ADAM10: variants seen among roughly 807,000 people sequenced by gnomAD.
ADAM10 encodes the protein ADAM metallopeptidase domain 10.
A neutral mutation model predicts 90.1 loss-of-function variants in ADAM10; 17 were observed. That is an observed-to-expected ratio of 0.19 (90% CI 0.13 to 0.28). The LOEUF (loss-of-function observed/expected upper bound fraction) is 0.28. Among genes scored for constraint, ADAM10 ranks in the 10% least tolerant of loss-of-function variants. The pLI is 1.00. For synonymous variants in ADAM10, 310 were observed against 298.6 expected, an observed-to-expected ratio of 1.04 and a Z score of -0.40; for missense variants, 610 against 914.3, an observed-to-expected ratio of 0.67 and a Z score of 4.29.
At chr15:58,657,398 C>G (rs1277464249) in intron 5 of ADAM10, among the ~76,000 whole-genome samples, 1 of 152,040 alleles carries the variant, frequency 6.6e-6, no homozygotes, top group African/African-American at 2.4e-5. Context: ...CCTTTTCTGT[C>G]TCCTCTGACT....
In ADAM10 at chr15:58,689,954, A is replaced by ACC. The variant is rs768784057; in HGVS notation, c.207-7641_207-7640insGG. Reference sequence around the variant, plus strand: ...CAAAACCAAAGACAGACCCCCCCCAAAAAAAAAAAAAAAAGACTGATATTC... The same window carrying ACC: ...CAAAACCAAAGACAGACCCCCCCCAACCAAAAAAAAAAAAAAGACTGATATTC... On this transcript the variant is annotated intron_variant, in intron 2 of 15. Transcript: ENST00000260408. 1.2e-4 allele frequency among the ~76,000 whole-genome samples: 14 copies of ACC among 117,674 alleles called. 3 individuals are homozygous for ACC. The South Asian group carries it at 2.3e-3, about 20-fold the overall frequency. 77.2% of individuals were successfully genotyped at this position (117,674 alleles called of 152,430 possible).
At position 58,599,710 on chromosome 15, in the gene ADAM10, T is replaced by C. The variant is rs551538667; in HGVS notation, c.2040A>G (p.Ala680=). ...IAEWIVAHWW[A]VLLMGIALIM... ...TCAGAGCAATTCCCATAAGTAATACTGCCCACCAATGAGCCTAGAAATAAA... is the reference window on the plus strand; with the variant it reads ...TCAGAGCAATTCCCATAAGTAATACCGCCCACCAATGAGCCTAGAAATAAA... The change falls in exon 15 of 16, where the codon GCA becomes GCG. Residue 680 remains alanine (A), a synonymous_variant. Coordinates refer to ENST00000260408, the MANE Select transcript of ADAM10 (RefSeq NM_001110.4). 1.2e-6 allele frequency: 2 copies of C among 1,612,374 alleles called. No homozygotes were observed. Among genetic ancestry groups the C allele is most frequent in the South Asian group, 1.1e-5 (1 of 91,044 alleles).
At chr15:58,745,026 T>C (rs1012341608) in intron 1 of ADAM10, among the ~76,000 whole-genome samples, 69 of 152,206 alleles carry the variant, frequency 4.5e-4, no homozygotes, top group African/African-American at 1.6e-3. Context: ...CTAGTAAAAA[T>C]ACAAAAATTA....
chr15:58,738,609 G>T (rs1177559932), intron 1 of ADAM10, among the ~76,000 whole-genome samples: 10 of 152,128 alleles, frequency 6.6e-5, no homozygotes, highest in Non-Finnish European at 1.5e-4. Context: ...TCTCTAAGAA[G>T]TAAAAATAAC....
Position 58,696,847 on chromosome 15 carries a change from C to T in ADAM10, c.207-14533G>A, listed in dbSNP as rs145223355. Among the ~76,000 whole-genome samples, 14 of 152,234 alleles carry T rather than the reference C, an allele frequency of 9.2e-5. No homozygotes were observed. In the East Asian group the frequency reaches 2.3e-3, roughly 25 times the overall value. The stretch of plus-strand genomic sequence containing the variant: ...ACCACACGATGATACTGCTCATGAA[C>T]GGTCCCCTCCACTCCTTAGTCCTAA... On this transcript the variant is annotated intron_variant, in intron 2 of 15. Transcript: ENST00000260408.
chr15:58,714,322 C>CAA (rs1294878712), intron 2 of ADAM10, among the ~76,000 whole-genome samples: 2 of 151,244 alleles, frequency 1.3e-5, no homozygotes, highest in Non-Finnish European at 2.9e-5. Context: ...CACACACACA[C>CAA]ACACAGAAGC....
At chr15:58,665,613 C>A (rs1315110179) in intron 4 of ADAM10, among the ~76,000 whole-genome samples, 3 of 151,972 alleles carry the variant, frequency 2.0e-5, no homozygotes, top group African/African-American at 7.2e-5. Context: ...AAAGAGAACC[C>A]CAAAACTCTT....
At chr15:58,604,615 A>G (rs1349753257) in intron 14 of ADAM10, among the ~76,000 whole-genome samples, 2 of 152,242 alleles carry the variant, frequency 1.3e-5, no homozygotes, top group Admixed American at 6.5e-5. Context: ...CTTGAAACAT[A>G]ACTAACAGCT....
intron 1 of ADAM10, among the ~76,000 whole-genome samples, chr15:58,746,819 G>A (rs1321966103): frequency 2.0e-5 from 3 of 152,100 alleles, no homozygotes; most frequent in African/African-American, 7.2e-5. Context: ...TCAAACTGAA[G>A]TTTTAAAAAG....
intron 5 of ADAM10, 96 bp downstream of exon 5, chr15:58,665,001 T>C (rs1446903192): frequency 1.0e-6 from 1 of 1,003,144 alleles, no homozygotes; most frequent in South Asian, 1.3e-5. Context: ...TGGTGTTAAG[T>C]CTTTCAGAAA....
At chr15:58,731,143 T>C (rs1236422878) in intron 1 of ADAM10, among the ~76,000 whole-genome samples, 1 of 152,168 alleles carries the variant, frequency 6.6e-6, no homozygotes, top group Non-Finnish European at 1.5e-5. Context: ...TCTGTATTCA[T>C]GGGTTCTGCA....
At chr15:58,708,314 A>C (rs1898369103) in intron 2 of ADAM10, among the ~76,000 whole-genome samples, 1 of 152,130 alleles carries the variant, frequency 6.6e-6, no homozygotes. Context: ...AGGATATATA[A>C]GGGAGCCCCC....
chr15:58,691,287 G>A (rs750668774), intron 2 of ADAM10: 1 of 1,249,326 alleles, frequency 8.0e-7, no homozygotes, highest in African/African-American at 1.5e-5. Flanking sequence ...ACCCTCCTTG[G>A]TAACTGACAG....
At chr15:58,717,524 C>T (rs1595651698) in intron 2 of ADAM10, 53 bp downstream of exon 2, 1 of 1,605,308 alleles carries the variant, frequency 6.2e-7, no homozygotes, top group East Asian at 2.2e-5. Context: ...TCCTCTTTAA[C>T]TTAGATTGAA....
chr15:58,676,937 T>C (rs1596057644), intron 4 of ADAM10, among the ~76,000 whole-genome samples: 5 of 152,234 alleles, frequency 3.3e-5, no homozygotes. Context: ...CAATAAAACA[T>C]ACAGCTCTCA....
At position 58,594,597 on chromosome 15, in the gene ADAM10, G is replaced by T. The variant is rs1275375891; in HGVS notation, c.*2950C>A. On this transcript the variant is annotated 3_prime_UTR_variant, in exon 16 of 16. Transcript: ENST00000260408. The stretch of plus-strand genomic sequence containing the variant: ...TGCATGACATTGCTTGACACTACAG[G>T]GAATGCTAAATCCAGAAGCAGTCAA... The T allele has an allele frequency of 6.6e-6, 1 of 152,068 alleles. No homozygotes were observed. The highest frequency in any genetic ancestry group is 6.5e-5 in the Admixed American group (1 of 15,276). The allele number at this position is 152,068 out of a possible 1,614,324, so 9.4% of individuals were successfully genotyped here. A position where few individuals can be genotyped will look rare whatever the true frequency, so the allele number is the denominator to read the frequency against.
chr15:58,633,952 G>T (rs1896177378), intron 8 of ADAM10, among the ~76,000 whole-genome samples: 1 of 151,510 alleles, frequency 6.6e-6, no homozygotes, highest in South Asian at 2.1e-4. Flanking sequence ...AGAGAAGATG[G>T]GTGGGAAGGA....
intron 1 of ADAM10, among the ~76,000 whole-genome samples, chr15:58,724,756 T>C (rs1898973097): frequency 6.6e-6 from 1 of 152,100 alleles, no homozygotes; most frequent in Non-Finnish European, 1.5e-5. Flanking sequence ...GAACCACCAG[T>C]AGAAGGAAGC....
At chr15:58,696,435 C>T (rs1461036096) in intron 2 of ADAM10, among the ~76,000 whole-genome samples, 7 of 151,710 alleles carry the variant, frequency 4.6e-5, no homozygotes, top group African/African-American at 1.2e-4. Flanking sequence ...CCCCTTACAG[C>T]CTTGATACTG....
Sources: gnomAD v4.1 joint callset for allele counts (sites outside exome capture counted in the v4.1 genomes callset) on GRCh38, gnomAD v4.1.1 for gene constraint, MANE v1.5 for transcripts, NCBI Gene and HGNC (gene_info 2026-07-23, HGNC 2026-07-21) for gene names.